The following FLRT2 variants were observed in gnomAD, a reference collection of about 807,000 sequenced individuals.
The protein encoded by FLRT2 is fibronectin leucine rich transmembrane protein 2, also known as leucine-rich repeat transmembrane protein FLRT2.
A neutral mutation model predicts 40.0 loss-of-function variants in FLRT2; 15 were observed. That is an observed-to-expected ratio of 0.38 (90% CI 0.25 to 0.58). FLRT2 has a LOEUF of 0.58. Ranked by LOEUF, FLRT2 falls within the 20% of genes least tolerant of loss-of-function variation. The probability of loss-of-function intolerance (pLI) is 0.71; values close to 1 mark genes in which losing one functional copy is unlikely to be tolerated. For synonymous variants in FLRT2, 380 were observed against 336.8 expected (o/e 1.13, Z -1.41); for missense variants, 726 against 840.0 (o/e 0.86, Z 1.68).
At chr14:85,557,244 T>C (rs1595016484) in intron 1 of FLRT2, among the ~76,000 whole-genome samples, 1 of 132,250 alleles carries the variant, frequency 7.6e-6, no homozygotes, top group East Asian at 2.4e-4. Flanking sequence ...ACATGACTAA[T>C]TTCCAGTGTT....
intron 1 of FLRT2, among the ~76,000 whole-genome samples, chr14:85,543,101 A>C (rs1268218577): frequency 1.3e-5 from 2 of 152,176 alleles, no homozygotes; most frequent in East Asian, 3.9e-4. Flanking sequence ...GTTTATTGTA[A>C]CCTTCTCATG....
intron 1 of FLRT2, among the ~76,000 whole-genome samples, chr14:85,570,414 C>T (rs1308503650): frequency 1.3e-5 from 2 of 152,114 alleles, no homozygotes; most frequent in African/African-American, 2.4e-5. Context: ...AATGACTTTA[C>T]ATTTAGCTAT....
At chr14:85,600,731 C>T (rs543662423) in intron 1 of FLRT2, among the ~76,000 whole-genome samples, 35 of 152,052 alleles carry the variant, frequency 2.3e-4, no homozygotes, top group African/African-American at 8.2e-4. Flanking sequence ...GAAATAGAGA[C>T]AATATAATTT....
chr14:85,554,438 G>T (rs113483052), intron 1 of FLRT2, among the ~76,000 whole-genome samples: 26 of 152,268 alleles, frequency 1.7e-4, no homozygotes, highest in African/African-American at 6.3e-4. Context: ...TATTTTCATT[G>T]TCTTTAAGTG....
chr14:85,539,133 C>T (rs1054061405), intron 1 of FLRT2, among the ~76,000 whole-genome samples: 3 of 152,054 alleles, frequency 2.0e-5, no homozygotes, highest in Non-Finnish European at 2.9e-5. Flanking sequence ...CGGGCCCTTA[C>T]ATTTTCCAGT....
chr14:85,550,346 G>A (rs1889542597), intron 1 of FLRT2, among the ~76,000 whole-genome samples: 1 of 152,156 alleles, frequency 6.6e-6, no homozygotes, highest in South Asian at 2.1e-4. Context: ...CTAGGGAATG[G>A]CTGTTAGGAA....
chr14:85,604,596 AAG>A (rs913222514), intron 1 of FLRT2, among the ~76,000 whole-genome samples: 3 of 151,740 alleles, frequency 2.0e-5, no homozygotes, highest in African/African-American at 7.3e-5. Flanking sequence ...TCCACCAAGA[AAG>A]AAAAAAAAAA....
At chr14:85,559,060 G>A (rs1483914750) in intron 1 of FLRT2, among the ~76,000 whole-genome samples, 1 of 152,144 alleles carries the variant, frequency 6.6e-6, no homozygotes, top group Non-Finnish European at 1.5e-5. Context: ...ATAGATAGGT[G>A]CACATGCATG....
chr14:85,649,945 T>G lies in FLRT2; in HGVS notation c.*26448T>G, dbSNP rs1328753337. On this transcript the variant is annotated 3_prime_UTR_variant, in exon 2 of 2. Transcript: ENST00000330753. ...TTCATTATTTTTTATTAGAAAATAT[T>G]TTAATAACACAAGAAAGTAAAGAAA... The G allele has an allele frequency of 2.6e-5, 4 of 152,058 alleles. No homozygotes were observed. Among genetic ancestry groups the G allele is most frequent in the Non-Finnish European group, 5.9e-5 (4 of 67,968 alleles). The allele number at this position is 152,058 out of a possible 1,614,324, so 9.4% of individuals were successfully genotyped here.
At position 85,626,982 on chromosome 14, in the gene FLRT2, G is replaced by A. The variant is rs1893708816; in HGVS notation, c.*3485G>A. 6.0e-6 allele frequency: 1 copy of A among 167,010 alleles called. No homozygotes were observed. The highest frequency in any genetic ancestry group is 1.5e-5 in the Non-Finnish European group (1 of 68,142). 10.3% of individuals were successfully genotyped at this position (167,010 alleles called of 1,614,324 possible). A position where few individuals can be genotyped will look rare whatever the true frequency, so the allele number is the denominator to read the frequency against. The stretch of plus-strand genomic sequence containing the variant: ...ATGCTGTGATTGAAGCATCCATTCA[G>A]AACACGAGGCAATATTGCAGTCCAC... On this transcript the variant is annotated 3_prime_UTR_variant, in exon 2 of 2. Transcript: ENST00000330753.
rs1888202459 is a variant in FLRT2 at position 85,530,500 on chromosome 14, A to G, written c.-411A>G. Reference sequence around the variant, plus strand: ...ACCTCCCTGACCCTGTCGGATTCGGATGAGCCCATTGCAAGGAGAAGACGC... The same window carrying G: ...ACCTCCCTGACCCTGTCGGATTCGGGTGAGCCCATTGCAAGGAGAAGACGC... On this transcript the variant is annotated 5_prime_UTR_variant, in exon 1 of 2. It removes an upstream start codon present in the reference 5' UTR. Coordinates refer to ENST00000330753, the MANE Select transcript of FLRT2 (RefSeq NM_013231.6). The G allele has an allele frequency of 6.6e-6, 1 of 152,596 alleles. No homozygotes were observed. Among genetic ancestry groups the G allele is most frequent in the Non-Finnish European group, 1.5e-5 (1 of 68,074 alleles). The allele number at this position is 152,596 out of a possible 1,614,324, so 9.5% of individuals were successfully genotyped here.
At chr14:85,562,063 G>A (rs923917073) in intron 1 of FLRT2, among the ~76,000 whole-genome samples, 1 of 152,068 alleles carries the variant, frequency 6.6e-6, no homozygotes, top group Non-Finnish European at 1.5e-5. Flanking sequence ...ACTCTTTCCC[G>A]CTACAGGGAA....
intron 1 of FLRT2, among the ~76,000 whole-genome samples, chr14:85,620,758 T>C (rs1008463723): frequency 6.6e-6 from 1 of 152,226 alleles, no homozygotes; most frequent in Non-Finnish European, 1.5e-5. Flanking sequence ...GAAACTAGTC[T>C]ATGACCAGTA....
rs191714881 is a variant in FLRT2, at chr14:85,624,611, C to A, written c.*1114C>A. On this transcript the variant is annotated 3_prime_UTR_variant, in exon 2 of 2. Coordinates refer to ENST00000330753, the MANE Select transcript of FLRT2 (RefSeq NM_013231.6). Reference sequence around the variant, plus strand: ...ATGTTGAAATAGCTTGAAGTAATATCTTTTATCCCCTTGCAAATTCTTGTC... The same window carrying A: ...ATGTTGAAATAGCTTGAAGTAATATATTTTATCCCCTTGCAAATTCTTGTC... 6 of 166,982 alleles carry A rather than the reference C, an allele frequency of 3.6e-5. No homozygotes were observed. In the East Asian group the frequency reaches 1.2e-3, roughly 32 times the overall value. The allele number at this position is 166,982 out of a possible 1,614,324, so 10.3% of individuals were successfully genotyped here.
intron 1 of FLRT2, among the ~76,000 whole-genome samples, chr14:85,604,511 A>AT (rs1282613443): frequency 6.6e-6 from 1 of 152,112 alleles, no homozygotes; most frequent in African/African-American, 2.4e-5. Flanking sequence ...CACTTTAAGG[A>AT]TTAATGATTG....
intron 1 of FLRT2, among the ~76,000 whole-genome samples, chr14:85,603,288 C>A (rs751305334): frequency 1.3e-5 from 2 of 151,892 alleles, no homozygotes; most frequent in Admixed American, 6.6e-5. Flanking sequence ...AGATAGAGGC[C>A]CCTTTGTGTC....
In FLRT2 at chr14:85,626,273, A is replaced by G. The variant is rs1457071016; in HGVS notation, c.*2776A>G. The G allele has an allele frequency of 6.0e-6, 1 of 166,956 alleles. No homozygotes were observed. Among genetic ancestry groups the G allele is most frequent in the Non-Finnish European group, 1.5e-5 (1 of 68,092 alleles). The allele number at this position is 166,956 out of a possible 1,614,324, so 10.3% of individuals were successfully genotyped here. A position where few individuals can be genotyped will look rare whatever the true frequency, so the allele number is the denominator to read the frequency against. On this transcript the variant is annotated 3_prime_UTR_variant, in exon 2 of 2. Transcript: ENST00000330753. The stretch of plus-strand genomic sequence containing the variant: ...GGCATTTTTAGTCATGGGAATGTAT[A>G]TTTGCTGATATATCTGCTCTGTGTT...
chr14:85,582,412 T>G (rs1422982452), intron 1 of FLRT2, among the ~76,000 whole-genome samples: 1 of 152,120 alleles, frequency 6.6e-6, no homozygotes, highest in Non-Finnish European at 1.5e-5. Context: ...ACTAATTGAT[T>G]GTGATTTGTA....
intron 1 of FLRT2, among the ~76,000 whole-genome samples, chr14:85,577,769 T>C (rs897566595): frequency 6.6e-6 from 1 of 151,918 alleles, no homozygotes; most frequent in Non-Finnish European, 1.5e-5. Flanking sequence ...TTTGTAGACA[T>C]GGAGTCTCAC....
Sources: gnomAD v4.1 joint callset for allele counts (sites outside exome capture counted in the v4.1 genomes callset) on GRCh38, gnomAD v4.1.1 for gene constraint, MANE v1.5 for transcripts, NCBI Gene and HGNC (gene_info 2026-07-23, HGNC 2026-07-21) for gene names.